Variants in CAMK2D observed in about 807,000 individuals in gnomAD.
CAMK2D encodes the protein calcium/calmodulin-dependent protein kinase type II subunit delta.
In CAMK2D, 37 loss-of-function variants were observed where a neutral mutation model predicts 84.0. The ratio of observed to expected loss-of-function variants is 0.44; its 90% CI spans 0.34 to 0.58. CAMK2D has a LOEUF of 0.58. CAMK2D is among the 20% of genes least tolerant of loss of function. The pLI is 0.02. For missense variants in CAMK2D, 448 were observed against 652.5 expected (o/e 0.69, Z 3.41); for synonymous variants, 202 against 212.5 (o/e 0.95, Z 0.43).
At chr4:113,694,526 T>G (rs961809654) in intron 2 of CAMK2D, among the ~76,000 whole-genome samples, 14 of 152,134 alleles carry the variant, frequency 9.2e-5, no homozygotes, top group Admixed American at 6.6e-4. Flanking sequence ...GTGGGTCACA[T>G]GTTCACTAAC....
chr4:113,699,249 C>T (rs2099411361), intron 2 of CAMK2D, among the ~76,000 whole-genome samples: 1 of 152,040 alleles, frequency 6.6e-6, no homozygotes, highest in Non-Finnish European at 1.5e-5. Context: ...TGAAAAATGG[C>T]TACTTTGGTT....
intron 16 of CAMK2D, among the ~76,000 whole-genome samples, chr4:113,493,937 G>A: frequency 6.6e-6 from 1 of 152,050 alleles, no homozygotes; most frequent in Non-Finnish European, 1.5e-5. Context: ...GATCGCATCG[G>A]CTCCTGAGGC....
intron 2 of CAMK2D, among the ~76,000 whole-genome samples, chr4:113,675,106 T>G (rs1482483065): frequency 6.6e-6 from 1 of 152,218 alleles, no homozygotes; most frequent in Non-Finnish European, 1.5e-5. Flanking sequence ...TCACATAGCC[T>G]AATTCCTGAC....
intron 12 of CAMK2D, among the ~76,000 whole-genome samples, chr4:113,510,563 T>C (rs114916269): frequency 0.015 from 2,316 of 151,886 alleles, 67 homozygotes; most frequent in African/African-American, 0.053. Context: ...AATGTGTAGA[T>C]ACACAGTGAA....
At chr4:113,646,815 A>G (rs1448508194) in intron 3 of CAMK2D, among the ~76,000 whole-genome samples, 1 of 152,190 alleles carries the variant, frequency 6.6e-6, no homozygotes, top group Non-Finnish European at 1.5e-5. Context: ...TTCCGAGGAG[A>G]GGAAAGACAT....
chr4:113,503,584 A>G (rs2098086051), intron 14 of CAMK2D, among the ~76,000 whole-genome samples: 1 of 152,210 alleles, frequency 6.6e-6, no homozygotes, highest in Admixed American at 6.5e-5. Flanking sequence ...ATGAACTAGA[A>G]CTAATCTACT....
chr4:113,681,581 G>C (rs1354377237), intron 2 of CAMK2D, among the ~76,000 whole-genome samples: 1 of 152,078 alleles, frequency 6.6e-6, no homozygotes, highest in Non-Finnish European at 1.5e-5. Flanking sequence ...TTCATTTTCA[G>C]TGCAAAGATA....
At chr4:113,589,902 T>C (rs373261956) in intron 4 of CAMK2D, among the ~76,000 whole-genome samples, 2 of 152,088 alleles carry the variant, frequency 1.3e-5, no homozygotes, top group Non-Finnish European at 2.9e-5. Context: ...CGTTTAAATG[T>C]CTGGGAGATG....
chr4:113,515,297 A>C, intron 9 of CAMK2D, 106 bp from the exon 10 acceptor site: 1 of 707,486 alleles, frequency 1.4e-6, no homozygotes, highest in East Asian at 2.9e-5. Context: ...ATTTCTTCAT[A>C]AATTTACTTT....
chr4:113,568,490 T>G (rs181388000), intron 4 of CAMK2D, among the ~76,000 whole-genome samples: 4 of 152,252 alleles, frequency 2.6e-5, no homozygotes, highest in African/African-American at 9.6e-5. Context: ...GATGGACATT[T>G]GTGTTGTTTC....
intron 4 of CAMK2D, among the ~76,000 whole-genome samples, chr4:113,555,524 G>A (rs1305282956): frequency 6.6e-6 from 1 of 152,054 alleles, no homozygotes; most frequent in Non-Finnish European, 1.5e-5. Flanking sequence ...TGGTAACAGA[G>A]GTTCATTAAG....
At chr4:113,635,376 G>A (rs1055849563) in intron 3 of CAMK2D, among the ~76,000 whole-genome samples, 3 of 152,174 alleles carry the variant, frequency 2.0e-5, no homozygotes, top group South Asian at 4.1e-4. Context: ...CCTACAATTT[G>A]TGTGGGAAAT....
At chr4:113,693,314 A>T (rs184404722) in intron 2 of CAMK2D, among the ~76,000 whole-genome samples, 4 of 152,328 alleles carry the variant, frequency 2.6e-5, no homozygotes, top group African/African-American at 9.6e-5. Flanking sequence ...CAAGAAAGCC[A>T]AAGAGGGCCT....
intron 2 of CAMK2D, among the ~76,000 whole-genome samples, chr4:113,743,437 T>C (rs1000478049): frequency 4.6e-5 from 7 of 152,216 alleles, no homozygotes; most frequent in Admixed American, 1.3e-4. Flanking sequence ...TTCAGGTTGT[T>C]ACTACTACTG....
chr4:113,471,278 C>A (rs974061444), intron 16 of CAMK2D, among the ~76,000 whole-genome samples: 1 of 152,122 alleles, frequency 6.6e-6, no homozygotes, highest in Non-Finnish European at 1.5e-5. Flanking sequence ...CAGGATACAT[C>A]CTTAGCCTCT....
intron 7 of CAMK2D, among the ~76,000 whole-genome samples, chr4:113,532,258 A>C (rs2098463358): frequency 6.6e-6 from 1 of 152,238 alleles, no homozygotes; most frequent in Non-Finnish European, 1.5e-5. Context: ...AAATGAGGAA[A>C]AAAACTTTGC....
chr4:113,534,807 C>T (rs752309105), intron 7 of CAMK2D, among the ~76,000 whole-genome samples: 19 of 152,104 alleles, frequency 1.2e-4, no homozygotes, highest in Non-Finnish European at 2.5e-4. Context: ...TGTTTATTAT[C>T]CCATTTACAA....
At chr4:113,519,985 T>C (rs1159930074) in intron 8 of CAMK2D, among the ~76,000 whole-genome samples, 1 of 152,158 alleles carries the variant, frequency 6.6e-6, no homozygotes. Flanking sequence ...ATTTAAAACT[T>C]TGTGTTGTCT....
chr4:113,695,340 A>T (rs2099399473), intron 2 of CAMK2D, among the ~76,000 whole-genome samples: 1 of 152,118 alleles, frequency 6.6e-6, no homozygotes, highest in Non-Finnish European at 1.5e-5. Context: ...CTGAATTTTT[A>T]TCTCCAAATT....
Sources: gnomAD v4.1 joint callset for allele counts (sites outside exome capture counted in the v4.1 genomes callset) on GRCh38, gnomAD v4.1.1 for gene constraint, MANE v1.5 for transcripts, NCBI Gene and HGNC (gene_info 2026-07-23, HGNC 2026-07-21) for gene names.